The following GNAO1 variants were observed in gnomAD, a reference collection of about 807,000 sequenced individuals.
The protein encoded by GNAO1 is guanine nucleotide-binding protein G(o) subunit alpha.
For missense variants in GNAO1, 166 were observed against 478.7 expected (o/e 0.35, Z 6.10); for synonymous variants, 164 against 180.7 (o/e 0.91, Z 0.74).
chr16:56,351,746 C>T lies in GNAO1; in HGVS notation c.877+209C>T. On this transcript the variant is annotated intron_variant, in intron 7 of 8. Transcript: ENST00000262493. This position sits in a 1 kb window ranked among gnomAD's most constrained non-coding sequence, Gnocchi z 6.1. ...GCCCTCAGCGTGGTGGAAATGGCCC[C>T]TCCTAAGATATATGTGTTAGGACCA... 1.8e-6 allele frequency: 1 copy of T among 565,198 alleles called. No individual in the cohort carries two copies. Among genetic ancestry groups the T allele is most frequent in the Non-Finnish European group, 3.2e-6 (1 of 315,592 alleles). The allele number at this position is 565,198 out of a possible 1,614,324, so 35.0% of individuals were successfully genotyped here. A position where few individuals can be genotyped will look rare whatever the true frequency, so the allele number is the denominator to read the frequency against.
rs1215977546 is a variant in GNAO1, at chr16:56,354,402, G to T, written c.878-464G>T. ...ATCAAAAGTAATGGCAAGGCCAGGC[G>T]TGGTGGCTCACGTCTGTAATCCCAG... On this transcript the variant is annotated intron_variant, in intron 7 of 8. Transcript: ENST00000262493. The surrounding 1 kb of genome is among the most constrained non-coding windows in gnomAD (Gnocchi z 4.3). 1.3e-5 allele frequency among the ~76,000 whole-genome samples: 2 copies of T among 152,248 alleles called. No individual in the cohort carries two copies. Among genetic ancestry groups the T allele is most frequent in the African/African-American group, 4.8e-5 (2 of 41,466 alleles).
chr16:56,319,773 T>TG (rs1596862555), intron 3 of GNAO1, among the ~76,000 whole-genome samples: 1 of 152,224 alleles, frequency 6.6e-6, no homozygotes, highest in East Asian at 1.9e-4. Context: ...AACCCACTTC[T>TG]GGGGGGTACC....
chr16:56,350,825 G>T (rs1362132333), intron 6 of GNAO1, among the ~76,000 whole-genome samples: 1 of 152,166 alleles, frequency 6.6e-6, no homozygotes, highest in Non-Finnish European at 1.5e-5. Flanking sequence ...GATGGGCCCA[G>T]GAGGAGAGGT....
intron 3 of GNAO1, among the ~76,000 whole-genome samples, chr16:56,325,253 G>C (rs1261022857): frequency 1.3e-5 from 2 of 152,232 alleles, no homozygotes; most frequent in African/African-American, 4.8e-5. Flanking sequence ...AAGGCGGGTG[G>C]ATCACCTGAG....
At chr16:56,250,944 T>C (rs1276323506) in intron 2 of GNAO1, among the ~76,000 whole-genome samples, 1 of 152,198 alleles carries the variant, frequency 6.6e-6, no homozygotes. Flanking sequence ...GGCCAAGAGC[T>C]GGGGAGAAGT....
rs557797394 is a variant in GNAO1 at position 56,346,425 on chromosome 16, C to T, written c.724-4959C>T. ...CAGGCCAAGCAGAAACTGATTTCTA[C>T]GAAGAGCGTCTTTGCCAAACTCATG... On this transcript the variant is annotated intron_variant, in intron 6 of 8. Transcript: ENST00000262493. The T allele has an allele frequency of 2.2e-5, 22 of 985,288 alleles. No homozygotes were observed. The Admixed American group carries it at 6.8e-4, about 30-fold the overall frequency. 61.0% of individuals were successfully genotyped at this position (985,288 alleles called of 1,614,324 possible).
At chr16:56,275,592 G>A (rs533315111) in intron 2 of GNAO1, among the ~76,000 whole-genome samples, 15 of 152,246 alleles carry the variant, frequency 9.9e-5, no homozygotes, top group East Asian at 5.8e-4. Flanking sequence ...TTGGGACCCC[G>A]AACTTTGCTT....
intron 2 of GNAO1, among the ~76,000 whole-genome samples, chr16:56,249,049 A>G (rs1311843753): frequency 1.3e-5 from 2 of 152,228 alleles, no homozygotes; most frequent in African/African-American, 2.4e-5. Context: ...GCTGTCCACA[A>G]GAAACTACGG....
chr16:56,227,556 C>T (rs923730010), intron 2 of GNAO1, among the ~76,000 whole-genome samples: 1 of 152,078 alleles, frequency 6.6e-6, no homozygotes, highest in African/African-American at 2.4e-5. Flanking sequence ...GGCACAGTGG[C>T]TCATGCCTGT....
At chr16:56,213,677 A>G (rs1194907466) in intron 2 of GNAO1, among the ~76,000 whole-genome samples, 2 of 152,112 alleles carry the variant, frequency 1.3e-5, no homozygotes, top group African/African-American at 4.8e-5. Context: ...ATACTAGAAG[A>G]TGAAATTGGA....
chr16:56,278,652 C>G (rs1871202), intron 3 of GNAO1, among the ~76,000 whole-genome samples: 29,695 of 151,990 alleles, frequency 0.2, 3,136 homozygotes, highest in East Asian at 0.38. Flanking sequence ...AACAAGCCCA[C>G]AAGTAGGTGA....
At chr16:56,329,371 G>A (rs1419583950) in intron 4 of GNAO1, 10 of 152,448 alleles carry the variant, frequency 6.6e-5, no homozygotes, top group African/African-American at 2.4e-4. Context: ...AGGGGAGAGA[G>A]GGAGAAAGAA....
intron 2 of GNAO1, among the ~76,000 whole-genome samples, chr16:56,269,668 A>T (rs1224115147): frequency 6.6e-6 from 1 of 152,198 alleles, no homozygotes; most frequent in Non-Finnish European, 1.5e-5. Flanking sequence ...GCGGCAGTCC[A>T]GTCCCAGGGC....
intron 3 of GNAO1, among the ~76,000 whole-genome samples, chr16:56,300,008 C>CGTGTGTGTGT (rs71381116): frequency 0.028 from 3,645 of 129,560 alleles, 50 homozygotes; most frequent in East Asian, 0.037. Flanking sequence ...GATTGGGGTT[C>CGTGTGTGTGT]GTGTGTGTGT....
At chr16:56,224,803 G>A (rs1395660609) in intron 2 of GNAO1, among the ~76,000 whole-genome samples, 2 of 152,210 alleles carry the variant, frequency 1.3e-5, no homozygotes, top group Admixed American at 6.5e-5. Flanking sequence ...TTACACTTAC[G>A]GCTTTGTGGT....
At chr16:56,204,190 A>G (rs114684801) in intron 2 of GNAO1, among the ~76,000 whole-genome samples, 1,774 of 152,336 alleles carry the variant, frequency 0.012, 35 homozygotes, top group African/African-American at 0.04. Context: ...TAGTTATGCC[A>G]TCAAGTTAGG....
Position 56,191,974 on chromosome 16 carries a change from G to C in GNAO1, c.-262G>C. ...CGCGGGCGCCTCCTCCCTTGGCTCC[G>C]GAGCCCCAGACCCCGGCCACCCTCG... On this transcript the variant is annotated 5_prime_UTR_variant, in exon 1 of 9. Coordinates refer to ENST00000262493, the MANE Select transcript of GNAO1 (RefSeq NM_020988.3). The surrounding 1 kb of genome is among the most constrained non-coding windows in gnomAD (Gnocchi z 4.7). 1 of 517,722 alleles carries C rather than the reference G, an allele frequency of 1.9e-6. No homozygotes were observed. The highest frequency in any genetic ancestry group is 3.4e-6 in the Non-Finnish European group (1 of 293,002). 32.1% of individuals were successfully genotyped at this position (517,722 alleles called of 1,614,324 possible). A position where few individuals can be genotyped will look rare whatever the true frequency, so the allele number is the denominator to read the frequency against.
At chr16:56,258,865 T>C (rs2036877657) in intron 2 of GNAO1, among the ~76,000 whole-genome samples, 1 of 152,190 alleles carries the variant, frequency 6.6e-6, no homozygotes, top group Non-Finnish European at 1.5e-5. Flanking sequence ...CAGTCTGAAG[T>C]TAGACAGGGA....
At chr16:56,238,760 A>G (rs2036666019) in intron 2 of GNAO1, among the ~76,000 whole-genome samples, 1 of 152,234 alleles carries the variant, frequency 6.6e-6, no homozygotes, top group Non-Finnish European at 1.5e-5. Flanking sequence ...CTTATTTCTC[A>G]TAGATAATGT....
Sources: gnomAD v4.1 joint callset for allele counts (sites outside exome capture counted in the v4.1 genomes callset) on GRCh38, gnomAD v4.1.1 for gene constraint, Gnocchi (gnomAD v3.1) non-coding constraint, MANE v1.5 for transcripts, NCBI Gene and HGNC (gene_info 2026-07-23, HGNC 2026-07-21) for gene names.